Variants in CHCHD6 observed in about 807,000 individuals in gnomAD.
CHCHD6 encodes the protein coiled-coil-helix-coiled-coil-helix domain containing 6, also known as MICOS complex subunit MIC25.
In CHCHD6, 28 loss-of-function variants were observed where a neutral mutation model predicts 32.3. The observed-to-expected ratio is 0.87, with a 90% confidence interval of 0.64 to 1.19. The LOEUF (loss-of-function observed/expected upper bound fraction) is 1.19. Ranked by LOEUF, CHCHD6 falls within the 50% of genes most tolerant of loss-of-function variation. The pLI is 0.00. For missense variants in CHCHD6, 333 were observed against 307.0 expected, an observed-to-expected ratio of 1.08 and a Z score of -0.63; for synonymous variants, 122 against 117.5, an observed-to-expected ratio of 1.04 and a Z score of -0.25.
Position 126,924,287 on chromosome 3 carries a change from G to T in CHCHD6, c.566+9537G>T, listed in dbSNP as rs189726512. 1.7e-4 allele frequency among the ~76,000 whole-genome samples: 26 copies of T among 152,270 alleles called. No individual in the cohort carries two copies. In the East Asian group the frequency reaches 5.0e-3, roughly 29 times the overall value. On this transcript the variant is annotated intron_variant, in intron 6 of 7. Transcript: ENST00000290913. The stretch of plus-strand genomic sequence containing the variant: ...TGATATAGAGAAAATGTCTGAAAAA[G>T]GTATGTTCCTGACGGGAGATAATAG...
rs575656963 is a variant in CHCHD6, at chr3:126,875,992, C to T, written c.495+23262C>T. Among the ~76,000 whole-genome samples the T allele has an allele frequency of 4.6e-5, 7 of 152,298 alleles. No homozygotes were observed. In the South Asian group the frequency reaches 1.5e-3, roughly 32 times the overall value. On this transcript the variant is annotated intron_variant, in intron 5 of 7. Coordinates refer to ENST00000290913, the MANE Select transcript of CHCHD6 (RefSeq NM_032343.3). Reference sequence around the variant, plus strand: ...TGCTAATGGCATCTAATGAGAACAACAGCTTTCAGTAAAATAAATAGAATA... The same window carrying T: ...TGCTAATGGCATCTAATGAGAACAATAGCTTTCAGTAAAATAAATAGAATA...
At chr3:126,711,788 G>C (rs1398394681) in intron 1 of CHCHD6, among the ~76,000 whole-genome samples, 1 of 152,234 alleles carries the variant, frequency 6.6e-6, no homozygotes, top group East Asian at 1.9e-4. Flanking sequence ...GCCCGCATCA[G>C]GAATTGCCAG....
intron 4 of CHCHD6, among the ~76,000 whole-genome samples, chr3:126,800,990 A>G (rs1939036970): frequency 1.3e-5 from 2 of 152,228 alleles, no homozygotes; most frequent in Non-Finnish European, 1.5e-5. Context: ...ATTCTTAACT[A>G]TAACGAGATG....
At chr3:126,864,105 A>G (rs1363774777) in intron 5 of CHCHD6, among the ~76,000 whole-genome samples, 1 of 61,644 alleles carries the variant, frequency 1.6e-5, no homozygotes, top group Non-Finnish European at 3.4e-5. Context: ...CCATTACCAC[A>G]TCCTCCACCA....
intron 5 of CHCHD6, among the ~76,000 whole-genome samples, chr3:126,907,113 T>C (rs180776795): frequency 1.3e-5 from 2 of 152,240 alleles, no homozygotes; most frequent in East Asian, 3.9e-4. Context: ...AAGGCTGAGA[T>C]AGCTAAGAAG....
In CHCHD6 at chr3:126,733,363, A is replaced by T. The variant is rs1935899992; in HGVS notation, c.411+141A>T. The T allele has an allele frequency of 5.2e-6, 4 of 765,936 alleles. No individual in the cohort carries two copies. The South Asian group carries it at 7.6e-5, about 14-fold the overall frequency. 47.4% of individuals were successfully genotyped at this position (765,936 alleles called of 1,614,324 possible). A position where few individuals can be genotyped will look rare whatever the true frequency, so the allele number is the denominator to read the frequency against. On this transcript the variant is annotated intron_variant, in intron 4 of 7. Transcript: ENST00000290913. ...GATGTGCTCGGCTTCACCTCTGTGG[A>T]AAAGGGTCTTTTGGGAGCCAGGAAC... is the stretch of plus-strand genomic sequence containing the variant.
chr3:126,792,239 CTAATATAGAATATATATTCTAATATAGAA>C (rs1938582107), intron 4 of CHCHD6, among the ~76,000 whole-genome samples: 1 of 146,766 alleles, frequency 6.8e-6, no homozygotes, highest in Non-Finnish European at 1.5e-5. Flanking sequence ...AATATATATT[CTAATATAGAATATATATTCTAATATAGAA>C]TATATTAGAA....
intron 1 of CHCHD6, among the ~76,000 whole-genome samples, chr3:126,726,682 A>C (rs1306265387): frequency 2.6e-5 from 4 of 152,196 alleles, no homozygotes; most frequent in East Asian, 3.8e-4. Context: ...ACCTCCAAAG[A>C]AAGGATATGA....
At chr3:126,895,665 T>C (rs2077828321) in intron 5 of CHCHD6, among the ~76,000 whole-genome samples, 1 of 152,228 alleles carries the variant, frequency 6.6e-6, no homozygotes, top group East Asian at 1.9e-4. Context: ...TAGTTATTTT[T>C]AGGCATGGAA....
At chr3:126,802,209 A>C (rs1246495063) in intron 4 of CHCHD6, among the ~76,000 whole-genome samples, 1 of 152,250 alleles carries the variant, frequency 6.6e-6, no homozygotes, top group Non-Finnish European at 1.5e-5. Flanking sequence ...ACAAAGCTGG[A>C]TGGAGAATGA....
At chr3:126,789,196 A>C (rs981429220) in intron 4 of CHCHD6, among the ~76,000 whole-genome samples, 1 of 152,160 alleles carries the variant, frequency 6.6e-6, no homozygotes, top group Non-Finnish European at 1.5e-5. Context: ...ACAGTTTGTT[A>C]TAATTTCTGT....
At chr3:126,853,167 C>T (rs1941536412) in intron 5 of CHCHD6, among the ~76,000 whole-genome samples, 1 of 149,502 alleles carries the variant, frequency 6.7e-6, no homozygotes, top group Admixed American at 6.7e-5. Flanking sequence ...TCGGGAAGAT[C>T]AAAGTGCACT....
chr3:126,940,924 G>A (rs561766040), intron 6 of CHCHD6, among the ~76,000 whole-genome samples: 17 of 151,916 alleles, frequency 1.1e-4, no homozygotes, highest in Non-Finnish European at 4.4e-5. Flanking sequence ...ACAGGTCTTT[G>A]TGTGATGGTG....
intron 4 of CHCHD6, among the ~76,000 whole-genome samples, chr3:126,803,493 T>G (rs566530377): frequency 2.1e-3 from 318 of 152,244 alleles, no homozygotes; most frequent in Non-Finnish European, 3.2e-3. Context: ...GGTAAAGGGA[T>G]CAATTCAACA....
chr3:126,931,643 C>T (rs1262832942), intron 6 of CHCHD6, among the ~76,000 whole-genome samples: 1 of 152,210 alleles, frequency 6.6e-6, no homozygotes, highest in Admixed American at 6.5e-5. Context: ...CAAACACTCC[C>T]CTTTCTTCTT....
At chr3:126,774,519 C>T (rs535297294) in intron 4 of CHCHD6, among the ~76,000 whole-genome samples, 13 of 152,306 alleles carry the variant, frequency 8.5e-5, no homozygotes, top group East Asian at 3.9e-4. Flanking sequence ...ACCACGACTT[C>T]GTGCTCCCCA....
At chr3:126,921,651 T>C (rs894166668) in intron 6 of CHCHD6, among the ~76,000 whole-genome samples, 1 of 152,204 alleles carries the variant, frequency 6.6e-6, no homozygotes, top group Non-Finnish European at 1.5e-5. Flanking sequence ...TTATTAACTA[T>C]TTCCTGAAAC....
chr3:126,848,040 T>C (rs936042112), intron 4 of CHCHD6, among the ~76,000 whole-genome samples: 3 of 152,182 alleles, frequency 2.0e-5, no homozygotes, highest in African/African-American at 7.2e-5. Context: ...AGTGCAGTGA[T>C]GCGATCATAA....
chr3:126,869,619 G>T (rs11923353), intron 5 of CHCHD6, among the ~76,000 whole-genome samples: 1 of 151,934 alleles, frequency 6.6e-6, no homozygotes, highest in South Asian at 2.1e-4. Flanking sequence ...TTTGTGTTAG[G>T]CAGTTTGTCT....
Sources: allele counts gnomAD v4.1 joint callset (sites outside exome capture counted in the v4.1 genomes callset), GRCh38; gene constraint gnomAD v4.1.1; transcripts MANE v1.5; gene names NCBI Gene and HGNC (gene_info 2026-07-23, HGNC 2026-07-21).